Variants in SPTLC1 observed in about 807,000 individuals in gnomAD.
SPTLC1 encodes serine palmitoyltransferase long chain base subunit 1.
SPTLC1 carries 55 observed loss-of-function variants against 68.9 expected under a neutral mutation model. The observed-to-expected ratio is 0.80, with a 90% CI of 0.64 to 1.00. The LOEUF (loss-of-function observed/expected upper bound fraction) is 1.00. SPTLC1 is among the 50% of genes least tolerant of loss of function. The probability of loss-of-function intolerance (pLI) is 0.00; values close to 1 mark genes in which losing one functional copy is unlikely to be tolerated. For missense variants in SPTLC1, 449 were observed against 573.1 expected (o/e 0.78, Z 2.21); for synonymous variants, 197 against 201.6 (o/e 0.98, Z 0.19).
At chr9:92,109,189 T>G (rs1262572678) in intron 2 of SPTLC1, 1 of 200,194 alleles carries the variant, frequency 5.0e-6, no homozygotes, top group African/African-American at 2.3e-5. Flanking sequence ...AATGATGACG[T>G]GATATTGTCC....
At chr9:92,045,736 T>A (rs1833491816) in intron 12 of SPTLC1, among the ~76,000 whole-genome samples, 1 of 152,088 alleles carries the variant, frequency 6.6e-6, no homozygotes, top group Non-Finnish European at 1.5e-5. Context: ...AGATGTTGGG[T>A]TGTTATTTTC....
intron 8 of SPTLC1, 24 bp downstream of exon 8, chr9:92,055,381 T>C (rs201652211): frequency 8.1e-6 from 13 of 1,613,332 alleles, no homozygotes; most frequent in African/African-American, 1.3e-5. Context: ...AATATTAAAA[T>C]TACAGCTGAA....
intron 3 of SPTLC1, among the ~76,000 whole-genome samples, chr9:92,087,560 T>A (rs919782801): frequency 1.3e-5 from 2 of 152,184 alleles, no homozygotes; most frequent in African/African-American, 4.8e-5. Context: ...GAACAGCGGA[T>A]TTTCGTGAAC....
At chr9:92,068,319 G>A (rs1408725656) in intron 5 of SPTLC1, among the ~76,000 whole-genome samples, 4 of 152,170 alleles carry the variant, frequency 2.6e-5, no homozygotes, top group Non-Finnish European at 5.9e-5. Context: ...GCATCTATCT[G>A]CAAAATGTGT....
At chr9:92,070,927 A>G (rs1246931108) in intron 5 of SPTLC1, among the ~76,000 whole-genome samples, 2 of 152,212 alleles carry the variant, frequency 1.3e-5, no homozygotes, top group Non-Finnish European at 2.9e-5. Context: ...ATCTTCCAAT[A>G]AGAGCCACTT....
At chr9:92,044,669 A>G (rs951823312) in intron 12 of SPTLC1, among the ~76,000 whole-genome samples, 3 of 152,232 alleles carry the variant, frequency 2.0e-5, no homozygotes, top group African/African-American at 7.2e-5. Flanking sequence ...ATGACAAAGT[A>G]GCAGGGACAA....
At chr9:92,067,694 A>G (rs932820435) in intron 6 of SPTLC1, among the ~76,000 whole-genome samples, 2 of 152,224 alleles carry the variant, frequency 1.3e-5, no homozygotes, top group African/African-American at 4.8e-5. Context: ...AGGATACCAC[A>G]CAGCCACAGA....
intron 3 of SPTLC1, among the ~76,000 whole-genome samples, chr9:92,083,727 CT>C (rs1282274604): frequency 2.6e-5 from 4 of 151,772 alleles, no homozygotes; most frequent in African/African-American, 9.7e-5. Context: ...GATGTGGGCT[CT>C]TTTTTGGTTC....
At chr9:92,079,615 G>C in intron 5 of SPTLC1, 1 of 1,495,890 alleles carries the variant, frequency 6.7e-7, no homozygotes, top group South Asian at 1.1e-5. Context: ...CTCCACCCCA[G>C]GCAATCTGCT....
rs527312424 is a variant in SPTLC1 at position 92,079,250 on chromosome 9, A to G, written c.427+766T>C. ...ACCACCACGCCCAGCTAATTTTTGT[A>G]TTTTTAGTAGAGACGAGGTTTCAGC... On this transcript the variant is annotated intron_variant, in intron 5 of 14. Transcript: ENST00000262554. 1.3e-5 allele frequency: 7 copies of G among 538,722 alleles called. No homozygotes were observed. The East Asian group carries it at 4.1e-4, about 32-fold the overall frequency. The allele number at this position is 538,722 out of a possible 1,614,324, so 33.4% of individuals were successfully genotyped here.
At chr9:92,047,303 T>C (rs749001954) in intron 10 of SPTLC1, 35 bp from the exon 11 acceptor site, 19 of 1,555,322 alleles carry the variant, frequency 1.2e-5, no homozygotes, top group Middle Eastern at 1.7e-4. Context: ...ATACACATTC[T>C]CTGTCCTTTC....
chr9:92,053,753 G>A (rs974531934), intron 8 of SPTLC1, among the ~76,000 whole-genome samples: 3 of 152,236 alleles, frequency 2.0e-5, no homozygotes, highest in Non-Finnish European at 2.9e-5. Context: ...GTTGCTGGGA[G>A]CTAGAGGGAG....
chr9:92,103,744 C>T (rs770604630), intron 3 of SPTLC1, among the ~76,000 whole-genome samples: 10 of 152,202 alleles, frequency 6.6e-5, no homozygotes, highest in African/African-American at 1.4e-4. Flanking sequence ...GGAAAGGCCC[C>T]GGGGGAGCCT....
intron 3 of SPTLC1, among the ~76,000 whole-genome samples, chr9:92,091,647 C>G (rs1041998926): frequency 6.6e-6 from 1 of 152,172 alleles, no homozygotes; most frequent in East Asian, 1.9e-4. Context: ...CCAAGAAACT[C>G]TTTTAAATGC....
intron 13 of SPTLC1, among the ~76,000 whole-genome samples, chr9:92,036,463 T>C (rs1833144718): frequency 6.6e-6 from 1 of 152,242 alleles, no homozygotes; most frequent in South Asian, 2.1e-4. Context: ...TACTATGCAA[T>C]GAATACACTG....
chr9:92,078,451 G>C (rs1028595089), intron 5 of SPTLC1, among the ~76,000 whole-genome samples: 2 of 152,088 alleles, frequency 1.3e-5, no homozygotes, highest in African/African-American at 4.8e-5. Context: ...CAGGATACTT[G>C]GTTTATATTA....
intron 12 of SPTLC1, among the ~76,000 whole-genome samples, chr9:92,044,659 A>T (rs1210976784): frequency 6.6e-6 from 1 of 152,234 alleles, no homozygotes; most frequent in Non-Finnish European, 1.5e-5. Context: ...GGACAGGCTG[A>T]TGACAAAGTA....
At chr9:92,111,509 C>G (rs1836241774) in intron 2 of SPTLC1, 1 of 152,132 alleles carries the variant, frequency 6.6e-6, no homozygotes, top group Admixed American at 6.6e-5. Flanking sequence ...CTCCCTAAAG[C>G]CCACATAGAA....
At chr9:92,087,357 TC>T (rs1178429194) in intron 3 of SPTLC1, among the ~76,000 whole-genome samples, 1 of 152,230 alleles carries the variant, frequency 6.6e-6, no homozygotes, top group Non-Finnish European at 1.5e-5. Context: ...CTCTGTTTTT[TC>T]CCCATCTTTG....
Sources: allele counts gnomAD v4.1 joint callset (sites outside exome capture counted in the v4.1 genomes callset), GRCh38; gene constraint gnomAD v4.1.1; transcripts MANE v1.5; gene names NCBI Gene and HGNC (gene_info 2026-07-23, HGNC 2026-07-21).